Variants in APAF1 observed in about 807,000 individuals in gnomAD.
APAF1 encodes the protein apoptotic protease-activating factor 1.
A neutral mutation model predicts 152.4 loss-of-function variants in APAF1; 91 were observed. The ratio of observed to expected loss-of-function variants is 0.60; its 90% CI spans 0.50 to 0.71. The LOEUF (loss-of-function observed/expected upper bound fraction) is 0.71, where lower values mean the gene tolerates loss of function less well. Among genes scored for constraint, APAF1 ranks in the 30% least tolerant of loss-of-function variants. The probability of loss-of-function intolerance (pLI) is 0.00; values close to 1 mark genes in which losing one functional copy is unlikely to be tolerated. For missense variants in APAF1, 1,283 were observed against 1,472.0 expected (o/e 0.87, Z 2.10); for synonymous variants, 484 against 494.1 (o/e 0.98, Z 0.27).
At chr12:98,694,901 G>T (rs574507281) in intron 16 of APAF1, among the ~76,000 whole-genome samples, 15 of 147,698 alleles carry the variant, frequency 1.0e-4, no homozygotes, top group African/African-American at 3.0e-4. Context: ...TTTTTAGACA[G>T]TCTTGGTGTG....
At chr12:98,665,444 G>C in intron 7 of APAF1, 109 bp from the exon 8 acceptor site, 1 of 813,562 alleles carries the variant, frequency 1.2e-6, no homozygotes, top group Non-Finnish European at 2.1e-6. Context: ...TAAGGCTTTT[G>C]ATAACATGCA....
chr12:98,656,915 C>G (rs180802127), intron 4 of APAF1, among the ~76,000 whole-genome samples: 7 of 152,160 alleles, frequency 4.6e-5, no homozygotes, highest in Non-Finnish European at 2.9e-5. Flanking sequence ...ATGTAATCAC[C>G]GTCTCATTCA....
At chr12:98,723,557 C>T in intron 23 of APAF1, 82 bp from the exon 24 acceptor site, 1 of 1,326,146 alleles carries the variant, frequency 7.5e-7, no homozygotes, top group South Asian at 1.3e-5. Flanking sequence ...TTTTATAGAC[C>T]TGTCTTGTAG....
In APAF1 at chr12:98,668,734, T is replaced by C. The variant is rs1390291707; in HGVS notation, c.1494+1090T>C. On this transcript the variant is annotated intron_variant, in intron 10 of 26. Coordinates refer to ENST00000551964, the MANE Select transcript of APAF1 (RefSeq NM_181861.2). The stretch of plus-strand genomic sequence containing the variant: ...GTCCATGAACTGAAACAGGGGTCTT[T>C]GGGAGAACAAGCTTTTTCCTGCAGA... Among the ~76,000 whole-genome samples the C allele has an allele frequency of 9.9e-5, 15 of 152,144 alleles. 1 individual carries two copies. The highest frequency in any genetic ancestry group is 4.4e-5 in the Non-Finnish European group (3 of 68,022).
Position 98,706,540 on chromosome 12 carries a change from G to A in APAF1, c.2651G>A (p.Trp884Ter). ...GCTGATTGCAGAGGACATTTAAGTT[G>A]GGTTCATGGTGTGATGTTTTCTCCT... ...KVADCRGHLS[W>*]VHGVMFSPDG... The change falls in exon 19 of 27, where the codon TGG (tryptophan) becomes TAG (stop). Residue 884 changes from tryptophan to a stop codon, truncating the protein, a stop_gained. Transcript: ENST00000551964. LOFTEE classifies it high-confidence loss of function. The A allele has an allele frequency of 6.2e-7, 1 of 1,613,950 alleles. No homozygotes were observed. Among genetic ancestry groups the A allele is most frequent in the Non-Finnish European group, 8.5e-7 (1 of 1,179,856 alleles).
Position 98,651,090 on chromosome 12 carries a change from G to GA in APAF1, c.526+1410dup, listed in dbSNP as rs1352376708. 2.6e-5 allele frequency among the ~76,000 whole-genome samples: 4 copies of GA among 152,280 alleles called. No individual in the cohort carries two copies. In the East Asian group the frequency reaches 7.7e-4, roughly 29 times the overall value. ...ACAGGTTTTAACTACTTTGTTTTGA[G>GA]AAAATCCTAGAGATACTGGCAACTG... On this transcript the variant is annotated intron_variant, in intron 4 of 26. Transcript: ENST00000551964.
intron 23 of APAF1, 39 bp from the exon 24 acceptor site, chr12:98,723,600 A>G (rs2097746155): frequency 6.5e-7 from 1 of 1,539,560 alleles, no homozygotes. Flanking sequence ...AATGTTCTTA[A>G]AAGTGTCAAC....
chr12:98,660,646 C>G (rs986137042), intron 5 of APAF1, among the ~76,000 whole-genome samples: 1 of 152,168 alleles, frequency 6.6e-6, no homozygotes, highest in Non-Finnish European at 1.5e-5. Context: ...TCTTAACAGC[C>G]TCTCTTTCAT....
intron 15 of APAF1, among the ~76,000 whole-genome samples, chr12:98,684,843 G>A (rs1459942843): frequency 2.0e-5 from 3 of 152,186 alleles, no homozygotes; most frequent in Non-Finnish European, 4.4e-5. Flanking sequence ...TGCCATGTGG[G>A]AGGGGGTTAT....
chr12:98,695,360 C>T (rs1449638065), intron 16 of APAF1, among the ~76,000 whole-genome samples: 1 of 144,914 alleles, frequency 6.9e-6, no homozygotes, highest in Admixed American at 6.7e-5. Context: ...GCCGCCCCCC[C>T]CCTTTTTTTT....
intron 12 of APAF1, among the ~76,000 whole-genome samples, chr12:98,676,509 CCTTTATA>C (rs1266722564): frequency 6.6e-6 from 1 of 152,028 alleles, no homozygotes; most frequent in South Asian, 2.1e-4. Flanking sequence ...ATGCCTGGCC[CCTTTATA>C]CTTTAGATAC....
chr12:98,728,010 GA>G lies in APAF1; in HGVS notation c.3600+703del, dbSNP rs778991920. Among the ~76,000 whole-genome samples, 477 of 149,508 alleles carry G rather than the reference GA, an allele frequency of 3.2e-3. 1 individual carries two copies. Among genetic ancestry groups the G allele is most frequent in the African/African-American group, 8.3e-3 (339 of 40,906 alleles). ...TTAAAAAAATAAATAAAAAGGAAAA[GA>G]AAAAAAAAGGCAGTTACTATTATCC... On this transcript the variant is annotated intron_variant, in intron 26 of 26. Coordinates refer to ENST00000551964, the MANE Select transcript of APAF1 (RefSeq NM_181861.2).
At chr12:98,702,454 A>G (rs561595989) in intron 17 of APAF1, among the ~76,000 whole-genome samples, 1 of 152,306 alleles carries the variant, frequency 6.6e-6, no homozygotes, top group South Asian at 2.1e-4. Context: ...TTGTATCAAT[A>G]CATGTAGTAA....
At chr12:98,710,347 G>A (rs1393759683) in intron 20 of APAF1, among the ~76,000 whole-genome samples, 1 of 152,130 alleles carries the variant, frequency 6.6e-6, no homozygotes, top group Non-Finnish European at 1.5e-5. Flanking sequence ...TTTTGGCAGT[G>A]ATAACATAGT....
At chr12:98,710,346 T>G (rs1249220324) in intron 20 of APAF1, among the ~76,000 whole-genome samples, 2 of 152,212 alleles carry the variant, frequency 1.3e-5, no homozygotes, top group Non-Finnish European at 2.9e-5. Flanking sequence ...GTTTTGGCAG[T>G]GATAACATAG....
chr12:98,703,381 T>G lies in APAF1; in HGVS notation c.2477T>G (p.Ile826Ser). The change falls in exon 18 of 27, where the codon ATT (isoleucine) becomes AGT (serine). Residue 826 changes from isoleucine to serine, a missense_variant. By Grantham distance (142) the Ile-to-Ser change is moderately radical. Coordinates refer to ENST00000551964, the MANE Select transcript of APAF1 (RefSeq NM_181861.2). ...TATTTATGTTGACAGCTTTTTGACA[T>G]TCATACTAGTGGCCTATTGGGAGAA... ...AAKNKIFLFD[I>S]HTSGLLGEIH... 1 of 1,614,156 alleles carries G rather than the reference T, an allele frequency of 6.2e-7. No homozygotes were observed. Among genetic ancestry groups the G allele is most frequent in the Non-Finnish European group, 8.5e-7 (1 of 1,179,992 alleles).
chr12:98,680,039 C>T (rs11837552), intron 13 of APAF1, among the ~76,000 whole-genome samples: 16,808 of 152,216 alleles, frequency 0.11, 966 homozygotes, highest in East Asian at 0.23. Flanking sequence ...AAAATCAACA[C>T]CCCAAAGATC....
intron 21 of APAF1, 77 bp downstream of exon 21, chr12:98,712,512 CTATTTTTATT>C: frequency 1.1e-6 from 1 of 877,930 alleles, no homozygotes. Flanking sequence ...TTGTGCACTT[CTATTTTTATT>C]TATTTTTATT....
At chr12:98,646,609 C>G (rs936429379) in intron 1 of APAF1, among the ~76,000 whole-genome samples, 2 of 152,140 alleles carry the variant, frequency 1.3e-5, no homozygotes, top group African/African-American at 4.8e-5. Context: ...GCAAATGACT[C>G]AATCTTTTCT....
Sources: gnomAD v4.1 joint callset for allele counts (sites outside exome capture counted in the v4.1 genomes callset) on GRCh38, gnomAD v4.1.1 for gene constraint, MANE v1.5 for transcripts, NCBI Gene and HGNC (gene_info 2026-07-23, HGNC 2026-07-21) for gene names.